Variants in PECAM1 observed in about 807,000 individuals in gnomAD.
The protein encoded by PECAM1 is platelet endothelial cell adhesion molecule.
Under a neutral mutation model 13.8 loss-of-function variants are expected in PECAM1, and 8 were observed. The observed-to-expected ratio is 0.58, with a 90% CI of 0.34 to 1.05. PECAM1 has a LOEUF of 1.05. Ranked by LOEUF, PECAM1 falls within the 50% of genes least tolerant of loss-of-function variation. The probability of loss-of-function intolerance (pLI) is 0.03; values close to 1 mark genes in which losing one functional copy is unlikely to be tolerated. For missense variants in PECAM1, 304 were observed against 141.2 expected (o/e 2.15, Z -5.84); for synonymous variants, 136 against 52.6 (o/e 2.58, Z -6.86).
At chr17:64,331,398 C>A (rs1232205114) in intron 14 of PECAM1, among the ~76,000 whole-genome samples, 4 of 152,328 alleles carry the variant, frequency 2.6e-5, no homozygotes, top group Admixed American at 2.0e-4. Flanking sequence ...GTTGGCCAGG[C>A]TGGTCTCAAA....
chr17:64,351,798 T>A (rs1028156905), intron 11 of PECAM1, among the ~76,000 whole-genome samples: 4 of 152,202 alleles, frequency 2.6e-5, no homozygotes, highest in Non-Finnish European at 5.9e-5. Flanking sequence ...CTCTGGGAAG[T>A]AAGTAGCATC....
intron 6 of PECAM1, among the ~76,000 whole-genome samples, chr17:64,362,373 G>C (rs2036002453): frequency 6.6e-6 from 1 of 152,210 alleles, no homozygotes; most frequent in South Asian, 2.1e-4. Flanking sequence ...TTCTTGGCCG[G>C]GTGTGGTGGC....
chr17:64,383,884 C>T (rs1280433238), intron 2 of PECAM1, among the ~76,000 whole-genome samples: 1 of 152,130 alleles, frequency 6.6e-6, no homozygotes, highest in Non-Finnish European at 1.5e-5. Flanking sequence ...GTAATCCCAG[C>T]TCTTTGGGAG....
intron 2 of PECAM1, among the ~76,000 whole-genome samples, chr17:64,386,418 A>AAAG (rs1306613532): frequency 6.6e-6 from 1 of 151,200 alleles, no homozygotes; most frequent in Non-Finnish European, 1.5e-5. Context: ...AAAAAAAAAA[A>AAAG]AGAAAAAGAA....
intron 10 of PECAM1, 53 bp downstream of exon 10, chr17:64,353,438 A>G (rs1325068499): frequency 6.6e-6 from 3 of 451,168 alleles, no homozygotes; most frequent in Admixed American, 7.1e-5. Context: ...CTCCCTCCAG[A>G]CATGTCCACC....
intron 5 of PECAM1, among the ~76,000 whole-genome samples, chr17:64,363,859 C>G (rs2036041831): frequency 1.3e-5 from 2 of 151,846 alleles, no homozygotes; most frequent in Non-Finnish European, 2.9e-5. Flanking sequence ...CAAGAGAATC[C>G]CTTGAACCCA....
chr17:64,350,927 A>T (rs1480546863), intron 11 of PECAM1, among the ~76,000 whole-genome samples: 1 of 151,984 alleles, frequency 6.6e-6, no homozygotes, highest in African/African-American at 2.4e-5. Context: ...CTCAGGCTGG[A>T]GTGCAATGTT....
intron 14 of PECAM1, among the ~76,000 whole-genome samples, chr17:64,335,067 C>A (rs1411772911): frequency 6.6e-6 from 1 of 152,124 alleles, no homozygotes; most frequent in African/African-American, 2.4e-5. Flanking sequence ...GTTAGAAATG[C>A]ACGTTTTCGG....
At chr17:64,376,088 G>C (rs1168747209) in intron 3 of PECAM1, among the ~76,000 whole-genome samples, 1 of 152,082 alleles carries the variant, frequency 6.6e-6, no homozygotes, top group Non-Finnish European at 1.5e-5. Context: ...TGGATCACCT[G>C]AGGTCAGGAG....
rs2035814430 is a variant in PECAM1, at chr17:64,354,930, C to T, written c.1888+3G>A. 1 of 475,384 alleles carries T rather than the reference C, an allele frequency of 2.1e-6. No homozygotes were observed. Among genetic ancestry groups the T allele is most frequent in the Admixed American group, 3.1e-5 (1 of 31,752 alleles). 29.4% of individuals were successfully genotyped at this position (475,384 alleles called of 1,614,324 possible). On this transcript the variant is annotated splice_donor_region_variant and intron_variant, in intron 9 of 15. Coordinates refer to ENST00000563924, the MANE Select transcript of PECAM1 (RefSeq NM_000442.5). Reference sequence around the variant, plus strand: ...CAGTATGGAAGGAAAGAACTATGCTCACCCTTGGCTTTCCTCAGAAAATAA... The same window carrying T: ...CAGTATGGAAGGAAAGAACTATGCTTACCCTTGGCTTTCCTCAGAAAATAA...
intron 14 of PECAM1, among the ~76,000 whole-genome samples, chr17:64,330,591 G>A (rs1255703780): frequency 2.0e-5 from 3 of 149,824 alleles, no homozygotes; most frequent in African/African-American, 7.3e-5. Context: ...AGCTGAGATC[G>A]CACCACTGCA....
chr17:64,334,323 G>A (rs1033119623), intron 14 of PECAM1, among the ~76,000 whole-genome samples: 20 of 152,094 alleles, frequency 1.3e-4, no homozygotes, highest in Non-Finnish European at 1.8e-4. Flanking sequence ...GGCTTATTTT[G>A]TATTACTCAG....
chr17:64,375,486 T>C (rs1319911543), intron 3 of PECAM1, 130 bp from the exon 4 acceptor site: 7 of 397,668 alleles, frequency 1.8e-5, no homozygotes. Flanking sequence ...GGGCTCTTTT[T>C]TGTTCTCTGA....
chr17:64,322,800 C>T lies in PECAM1; in HGVS notation c.*1016G>A, dbSNP rs2034838275. The T allele has an allele frequency of 3.5e-6, 2 of 575,970 alleles. No homozygotes were observed. Among genetic ancestry groups the T allele is most frequent in the Non-Finnish European group, 4.4e-6 (2 of 455,732 alleles). 35.7% of individuals were successfully genotyped at this position (575,970 alleles called of 1,614,324 possible). On this transcript the variant is annotated 3_prime_UTR_variant, in exon 16 of 16. Transcript: ENST00000563924. ...GCGCGATCTCCGCTCACTACAACCT[C>T]CGTTTCCTGGGTTCAAGCGATAATC...
At chr17:64,358,111 C>CT (rs141671796) in intron 7 of PECAM1, among the ~76,000 whole-genome samples, 27,269 of 68,992 alleles carry the variant, frequency 0.4, 8,832 homozygotes, top group East Asian at 0.55. Context: ...TGGCCACAGT[C>CT]TTTTTTTTTT....
rs1598042634 is a variant in PECAM1 at position 64,370,247 on chromosome 17, G to T, written c.692-222C>A. On this transcript the variant is annotated intron_variant, in intron 4 of 15. Coordinates refer to ENST00000563924, the MANE Select transcript of PECAM1 (RefSeq NM_000442.5). Reference sequence around the variant, plus strand: ...CAGGCTTCTTCACTGCAATTCTCTGGGTTTCTGAAGCTTCCCAAAGGCCAA... The same window carrying T: ...CAGGCTTCTTCACTGCAATTCTCTGTGTTTCTGAAGCTTCCCAAAGGCCAA... 3 of 357,924 alleles carry T rather than the reference G, an allele frequency of 8.4e-6. No homozygotes were observed. The East Asian group carries it at 1.2e-4, about 15-fold the overall frequency. 22.2% of individuals were successfully genotyped at this position (357,924 alleles called of 1,614,324 possible). A position where few individuals can be genotyped will look rare whatever the true frequency, so the allele number is the denominator to read the frequency against.
chr17:64,327,736 T>C (rs376162777), intron 15 of PECAM1, among the ~76,000 whole-genome samples: 15 of 152,330 alleles, frequency 9.8e-5, no homozygotes, highest in African/African-American at 3.4e-4. Flanking sequence ...GAATGTGCCA[T>C]TGAAGCAAGT....
chr17:64,342,393 G>T (rs1568012340), intron 13 of PECAM1, among the ~76,000 whole-genome samples: 1 of 152,148 alleles, frequency 6.6e-6, no homozygotes, highest in Non-Finnish European at 1.5e-5. Context: ...CTCAACGCAG[G>T]GTTGGGCTAT....
chr17:64,362,999 T>G, intron 6 of PECAM1, 150 bp downstream of exon 6: 1 of 427,492 alleles, frequency 2.3e-6, no homozygotes, highest in East Asian at 3.3e-5. Context: ...AATACCTCCT[T>G]GTTTCTTTGG....
Sources: allele counts gnomAD v4.1 joint callset (sites outside exome capture counted in the v4.1 genomes callset), GRCh38; gene constraint gnomAD v4.1.1; transcripts MANE v1.5; gene names NCBI Gene and HGNC (gene_info 2026-07-23, HGNC 2026-07-21).